The following RFWD3 variants were observed in gnomAD, a reference collection of about 807,000 sequenced individuals.
The protein encoded by RFWD3 is ring finger and WD repeat domain 3.
Under a neutral mutation model 87.7 loss-of-function variants are expected in RFWD3, and 65 were observed. The ratio of observed to expected loss-of-function variants is 0.74; its 90% CI spans 0.61 to 0.91. The LOEUF (loss-of-function observed/expected upper bound fraction) is 0.91. Ranked by LOEUF, RFWD3 falls within the 40% of genes least tolerant of loss-of-function variation. RFWD3 has a pLI of 0.00. For synonymous variants in RFWD3, 433 were observed against 352.8 expected (o/e 1.23, Z -2.55); for missense variants, 1,078 against 938.5 (o/e 1.15, Z -1.94).
At position 74,625,538 on chromosome 16, in the gene RFWD3, G is replaced by A. The variant is rs575453949; in HGVS notation, c.2181+805C>T. On this transcript the variant is annotated intron_variant, in intron 12 of 12. Transcript: ENST00000361070. Reference sequence around the variant, plus strand: ...AGAAAAAAAAAAAAAGGACAGACCAGGCGCAATGGCTCACGCCTATAATCC... The same window carrying A: ...AGAAAAAAAAAAAAAGGACAGACCAAGCGCAATGGCTCACGCCTATAATCC... 4.6e-5 allele frequency among the ~76,000 whole-genome samples: 7 copies of A among 150,634 alleles called. No individual in the cohort carries two copies. The South Asian group carries it at 1.3e-3, about 27-fold the overall frequency.
chr16:74,644,513 T>C (rs1379930293), intron 5 of RFWD3, 28 bp downstream of exon 5: 4 of 1,614,040 alleles, frequency 2.5e-6, no homozygotes, highest in Non-Finnish European at 3.4e-6. Flanking sequence ...ACTTAACATG[T>C]TAATGTGTCC....
chr16:74,623,792 ATC>A lies in RFWD3; in HGVS notation c.*134_*135del, dbSNP rs1958837978. The A allele has an allele frequency of 1.1e-6, 1 of 921,190 alleles. No individual in the cohort carries two copies. Among genetic ancestry groups the A allele is most frequent in the South Asian group, 1.6e-5 (1 of 60,764 alleles). 57.1% of individuals were successfully genotyped at this position (921,190 alleles called of 1,614,324 possible). ...TGTCTCAGTGACCTAGGGTCCTAGA[ATC>A]ATACTAATGCAAACAAACCATGATT... On this transcript the variant is annotated 3_prime_UTR_variant, in exon 13 of 13. Transcript: ENST00000361070.
chr16:74,666,220 A>AGATAGATAGATT (rs1195587029), intron 1 of RFWD3: 240 of 143,050 alleles, frequency 1.7e-3, no homozygotes, highest in African/African-American at 5.3e-3. Context: ...ATAGATAGAT[A>AGATAGATAGATT]GATTGATTAG....
At chr16:74,643,554 C>T (rs1308433701) in intron 6 of RFWD3, among the ~76,000 whole-genome samples, 3 of 151,978 alleles carry the variant, frequency 2.0e-5, no homozygotes, top group African/African-American at 7.3e-5. Flanking sequence ...AATGATTTTG[C>T]CTGTGTACAT....
intron 12 of RFWD3, among the ~76,000 whole-genome samples, chr16:74,625,760 A>G (rs1481643747): frequency 6.6e-6 from 1 of 152,226 alleles, no homozygotes; most frequent in Non-Finnish European, 1.5e-5. Context: ...CTCTAGTCAC[A>G]CAAGTTTATA....
chr16:74,661,628 C>A (rs1961448678), intron 1 of RFWD3, among the ~76,000 whole-genome samples, 177 bp from the exon 2 acceptor site: 1 of 152,024 alleles, frequency 6.6e-6, no homozygotes, highest in South Asian at 2.1e-4. Flanking sequence ...ATGGACTTTC[C>A]TCTCTATAAC....
At chr16:74,658,244 T>C (rs1961153219) in intron 2 of RFWD3, among the ~76,000 whole-genome samples, 1 of 152,220 alleles carries the variant, frequency 6.6e-6, no homozygotes, top group Admixed American at 6.5e-5. Context: ...CACCAATATA[T>C]CTAGGGCAAA....
At chr16:74,642,661 T>G (rs1035294841) in intron 6 of RFWD3, among the ~76,000 whole-genome samples, 3 of 152,182 alleles carry the variant, frequency 2.0e-5, no homozygotes, top group Middle Eastern at 6.8e-3. Flanking sequence ...ACGGATAATT[T>G]TTTTCATTTT....
In RFWD3 at chr16:74,644,701, G is replaced by C. The variant is rs1959972741; in HGVS notation, c.827C>G (p.Ser276Cys). 6.2e-7 allele frequency: 1 copy of C among 1,614,214 alleles called. No individual in the cohort carries two copies. Residue 276 changes from serine to cysteine, a missense_variant, in exon 5 of 13, where the codon TCT becomes TGT. By Grantham distance (112) the Ser-to-Cys change is moderately radical. Coordinates refer to ENST00000361070, the MANE Select transcript of RFWD3 (RefSeq NM_018124.4). ...SPQKSEPLLPSASMDEEEGDT... is the reference protein window; with the variant it reads ...SPQKSEPLLPCASMDEEEGDT... ...CCCTTCTTCCTCATCCATAGAAGCA[G>C]AAGGTAGCAGAGGCTCAGACTTCTG...
intron 1 of RFWD3, among the ~76,000 whole-genome samples, 190 bp from the exon 2 acceptor site, chr16:74,661,641 G>A (rs570142060): frequency 2.6e-5 from 4 of 152,276 alleles, no homozygotes; most frequent in African/African-American, 9.6e-5. Flanking sequence ...TCTATAACAA[G>A]CATTTATAAC....
intron 3 of RFWD3, among the ~76,000 whole-genome samples, chr16:74,651,700 G>A (rs1304852071): frequency 6.6e-6 from 1 of 152,148 alleles, no homozygotes; most frequent in Non-Finnish European, 1.5e-5. Flanking sequence ...ACTACAAAGT[G>A]ACTAACTCAC....
chr16:74,640,522 G>A (rs1395988298), intron 6 of RFWD3, among the ~76,000 whole-genome samples: 3 of 152,136 alleles, frequency 2.0e-5, no homozygotes, highest in Non-Finnish European at 2.9e-5. Context: ...TAAGTCAGGT[G>A]TGGTGGCATG....
intron 9 of RFWD3, 36 bp downstream of exon 9, chr16:74,632,487 G>A (rs373021544): frequency 1.2e-6 from 2 of 1,609,306 alleles, no homozygotes; most frequent in African/African-American, 2.7e-5. Flanking sequence ...CAACACCAAA[G>A]AGCCCAGTCT....
chr16:74,629,612 G>A (rs1317611509), intron 10 of RFWD3, among the ~76,000 whole-genome samples: 1 of 151,734 alleles, frequency 6.6e-6, no homozygotes, highest in Non-Finnish European at 1.5e-5. Context: ...GGGTGACAGA[G>A]TGAGACACCA....
chr16:74,638,828 A>G (rs755880978), intron 6 of RFWD3, among the ~76,000 whole-genome samples: 1 of 152,178 alleles, frequency 6.6e-6, no homozygotes, highest in Non-Finnish European at 1.5e-5. Context: ...TCTGAGAAAC[A>G]TGTTGTTAGG....
chr16:74,659,988 G>A (rs188802819), intron 2 of RFWD3, among the ~76,000 whole-genome samples: 3 of 152,286 alleles, frequency 2.0e-5, no homozygotes, highest in African/African-American at 7.2e-5. Context: ...TGGGGAGGTC[G>A]AGGCTGCAGT....
At chr16:74,639,222 G>A (rs527390477) in intron 6 of RFWD3, among the ~76,000 whole-genome samples, 1 of 152,134 alleles carries the variant, frequency 6.6e-6, no homozygotes, top group East Asian at 1.9e-4. Context: ...ATTTTTAGTA[G>A]AGACAGGGTT....
At chr16:74,634,537 A>G (rs968519759) in intron 8 of RFWD3, among the ~76,000 whole-genome samples, 1 of 152,098 alleles carries the variant, frequency 6.6e-6, no homozygotes, top group Non-Finnish European at 1.5e-5. Flanking sequence ...GAGGTGTGCC[A>G]CCACACCAAG....
intron 1 of RFWD3, among the ~76,000 whole-genome samples, chr16:74,664,947 GC>G (rs1961760436): frequency 6.6e-6 from 1 of 152,142 alleles, no homozygotes. Context: ...AGTCGGAGGT[GC>G]CTAGAACGAG....
Sources: allele counts gnomAD v4.1 joint callset (sites outside exome capture counted in the v4.1 genomes callset), GRCh38; gene constraint gnomAD v4.1.1; transcripts MANE v1.5; gene names NCBI Gene and HGNC (gene_info 2026-07-23, HGNC 2026-07-21).